Variants in LRP2 observed in about 807,000 individuals in gnomAD.
The protein encoded by LRP2 is LDL receptor related protein 2.
In LRP2, 172 loss-of-function variants were observed where a neutral mutation model predicts 531.0. The observed-to-expected ratio is 0.32, with a 90% CI of 0.29 to 0.37. LRP2 has a LOEUF of 0.37. Ranked by LOEUF, LRP2 falls within the 10% of genes least tolerant of loss-of-function variation. The pLI is 1.00. For missense variants in LRP2, 5,167 were observed against 5,868.3 expected (o/e 0.88, Z 3.90); for synonymous variants, 1,992 against 2,027.6 (o/e 0.98, Z 0.47).
chr2:169,246,785 C>A lies in LRP2; in HGVS notation c.3110G>T (p.Arg1037Ile). 1.2e-6 allele frequency: 2 copies of A among 1,614,196 alleles called. No individual in the cohort carries two copies. Among genetic ancestry groups the A allele is most frequent in the Non-Finnish European group, 1.7e-6 (2 of 1,180,034 alleles). Reference sequence around the variant, plus strand: ...ACAGAGATAGTAATTGGGCACACATCTGCCATTTTTACAGGGGAAGGAAAA... The same window carrying A: ...ACAGAGATAGTAATTGGGCACACATATGCCATTTTTACAGGGGAAGGAAAA... ...GLFSFPCKNGRCVPNYYLCDG... is the reference protein window; with the variant it reads ...GLFSFPCKNGICVPNYYLCDG... The change falls in exon 21 of 79, where the codon AGA becomes ATA. Residue 1037 changes from arginine to isoleucine, a missense_variant. Coordinates refer to ENST00000649046, the MANE Select transcript of LRP2 (RefSeq NM_004525.3).
intron 4 of LRP2, among the ~76,000 whole-genome samples, chr2:169,300,598 A>C (rs1053997093): frequency 2.6e-5 from 4 of 152,150 alleles, no homozygotes; most frequent in Admixed American, 6.6e-5. Flanking sequence ...GGATCTTAGG[A>C]TCTTTTTAAA....
intron 38 of LRP2, among the ~76,000 whole-genome samples, chr2:169,207,797 G>C (rs1688448911): frequency 6.6e-6 from 1 of 152,140 alleles, no homozygotes; most frequent in Non-Finnish European, 1.5e-5. Flanking sequence ...GTGACCAAAA[G>C]TCCATTTCCC....
chr2:169,239,748 C>T lies in LRP2; in HGVS notation c.4073G>A (p.Gly1358Asp). ...CNGNSCSDFN[G>D]GCTHECVQEP... Reference sequence around the variant, plus strand: ...TTGAACACACTCGTGAGTACAACCACCATTGAAATCTGAGCAGCTGTTCCC... The same window carrying T: ...TTGAACACACTCGTGAGTACAACCATCATTGAAATCTGAGCAGCTGTTCCC... Residue 1358 changes from glycine (G) to aspartate (D), a missense_variant, in exon 26 of 79, where the codon GGT (glycine) becomes GAT (aspartate). Around this residue, in one of 6 missense-constraint regions of LRP2, gnomAD observed 2,811 missense variants for 3,058.0 expected, o/e 0.92. Transcript: ENST00000649046. The T allele has an allele frequency of 1.2e-6, 2 of 1,613,936 alleles. No individual in the cohort carries two copies. The highest frequency in any genetic ancestry group is 1.7e-6 in the Non-Finnish European group (2 of 1,179,894).
intron 61 of LRP2, among the ~76,000 whole-genome samples, chr2:169,167,224 G>A (rs971768864): frequency 6.6e-6 from 1 of 152,130 alleles, no homozygotes; most frequent in Non-Finnish European, 1.5e-5. Context: ...AGCAAAACAA[G>A]GCTAGTTCCT....
chr2:169,210,378 T>C (rs1688551866), intron 37 of LRP2, among the ~76,000 whole-genome samples: 1 of 152,204 alleles, frequency 6.6e-6, no homozygotes. Flanking sequence ...CAAACTCAAA[T>C]GCCACTAAGA....
chr2:169,166,036 G>A lies in LRP2; in HGVS notation c.11654C>T (p.Ser3885Leu). 6.2e-7 allele frequency: 1 copy of A among 1,614,030 alleles called. No individual in the cohort carries two copies. Among genetic ancestry groups the A allele is most frequent in the Non-Finnish European group, 8.5e-7 (1 of 1,179,928 alleles). The change falls in exon 62 of 79, where the codon TCA (serine) becomes TTA (leucine). Residue 3885 changes from serine (S) to leucine (L), a missense_variant. Transcript: ENST00000649046. Reference sequence around the variant, plus strand: ...GTTGTCACACCGGAAACGGTTTGGTGAATTACAGGGAACATCCACTGAAAG... The same window carrying A: ...GTTGTCACACCGGAAACGGTTTGGTAAATTACAGGGAACATCCACTGAAAG... ...LHLCLDVPCN[S>L]PNRFRCDNNR...
chr2:169,307,504 A>G, intron 3 of LRP2, 107 bp from the exon 4 acceptor site: 1 of 740,888 alleles, frequency 1.3e-6, no homozygotes, highest in Non-Finnish European at 2.4e-6. Context: ...TAGGGACACA[A>G]GGTAAAGTAC....
At chr2:169,267,262 C>T (rs1683238903) in intron 16 of LRP2, among the ~76,000 whole-genome samples, 1 of 151,962 alleles carries the variant, frequency 6.6e-6, no homozygotes, top group East Asian at 1.9e-4. Flanking sequence ...AGTAAAATCT[C>T]TGCTTACATA....
chr2:169,183,971 C>T (rs1687534059), intron 50 of LRP2, among the ~76,000 whole-genome samples: 2 of 151,710 alleles, frequency 1.3e-5, no homozygotes. Flanking sequence ...GGTTGTGCAC[C>T]CTCCTGGACT....
chr2:169,197,781 G>C (rs902649516), intron 45 of LRP2, among the ~76,000 whole-genome samples: 13 of 152,138 alleles, frequency 8.5e-5, no homozygotes. Flanking sequence ...CTATCTGGTG[G>C]CTGCAACCTG....
At chr2:169,291,369 G>A (rs1381688596) in intron 7 of LRP2, among the ~76,000 whole-genome samples, 1 of 152,210 alleles carries the variant, frequency 6.6e-6, no homozygotes, top group Non-Finnish European at 1.5e-5. Flanking sequence ...ACTTGAATTT[G>A]TGGTTGGGCT....
chr2:169,286,701 A>G (rs1393528051), intron 9 of LRP2, among the ~76,000 whole-genome samples: 2 of 152,164 alleles, frequency 1.3e-5, no homozygotes, highest in African/African-American at 2.4e-5. Flanking sequence ...AAAAACTGAG[A>G]ACAGCTTGTG....
intron 1 of LRP2, among the ~76,000 whole-genome samples, chr2:169,344,666 G>A (rs576750724): frequency 2.6e-5 from 4 of 151,952 alleles, no homozygotes; most frequent in East Asian, 3.9e-4. Flanking sequence ...ATCCCTCATC[G>A]AGTTTTAACT....
Position 169,168,585 on chromosome 2 carries a change from G to T in LRP2, c.11589C>A (p.Gly3863=), listed in dbSNP as rs757489759. ...CTGAACCATCGCCACAGTCATCATCGCCATCACATTTCCAATATGGCGGGA... is the reference window on the plus strand; with the variant it reads ...CTGAACCATCGCCACAGTCATCATCTCCATCACATTTCCAATATGGCGGGA... The part of the protein sequence containing the change: ...VCIPPYWKCD[G]DDDCGDGSDE... The change falls in exon 61 of 79, where the codon GGC becomes GGA. Residue 3863 remains glycine, a synonymous_variant. Coordinates refer to ENST00000649046, the MANE Select transcript of LRP2 (RefSeq NM_004525.3). The T allele has an allele frequency of 1.2e-6, 2 of 1,614,010 alleles. No homozygotes were observed. The highest frequency in any genetic ancestry group is 1.7e-6 in the Non-Finnish European group (2 of 1,179,972).
chr2:169,199,679 T>A (rs1400565277), intron 44 of LRP2, among the ~76,000 whole-genome samples: 1 of 151,264 alleles, frequency 6.6e-6, no homozygotes, highest in Non-Finnish European at 1.5e-5. Context: ...GAAAAAAAAA[T>A]TCCAAATATC....
intron 1 of LRP2, among the ~76,000 whole-genome samples, chr2:169,349,428 G>A (rs1286139584): frequency 1.3e-5 from 2 of 152,178 alleles, no homozygotes; most frequent in Non-Finnish European, 2.9e-5. Context: ...CTGTGCATGG[G>A]GAGAGGAGAA....
chr2:169,174,644 G>A (rs1277301076), intron 55 of LRP2, among the ~76,000 whole-genome samples: 2 of 152,088 alleles, frequency 1.3e-5, no homozygotes, highest in African/African-American at 4.8e-5. Context: ...AAGTAGCTGG[G>A]ATTACAGGCA....
chr2:169,274,655 CT>C (rs574676720), intron 14 of LRP2, among the ~76,000 whole-genome samples: 7 of 152,136 alleles, frequency 4.6e-5, no homozygotes, highest in Admixed American at 4.6e-4. Context: ...TCATTTTCTT[CT>C]ATGGGACCTG....
At chr2:169,179,490 G>T (rs899014268) in intron 52 of LRP2, among the ~76,000 whole-genome samples, 1 of 152,226 alleles carries the variant, frequency 6.6e-6, no homozygotes, top group African/African-American at 2.4e-5. Flanking sequence ...GGAGGCAGAG[G>T]CAGGCAGATC....
Sources: gnomAD v4.1 joint callset for allele counts (sites outside exome capture counted in the v4.1 genomes callset) on GRCh38, gnomAD v4.1.1 for gene constraint, gnomAD v4.1.1 regional missense constraint, MANE v1.5 for transcripts, NCBI Gene and HGNC (gene_info 2026-07-23, HGNC 2026-07-21) for gene names.